Variants in INPP4A observed in about 807,000 individuals in gnomAD.
INPP4A encodes the protein inositol polyphosphate-4-phosphatase type I A, also known as inositol polyphosphate-4-phosphatase, type I, 107kD.
A neutral mutation model predicts 119.8 loss-of-function variants in INPP4A; 33 were observed. That is an observed-to-expected ratio of 0.28 (90% CI 0.21 to 0.37). The LOEUF is 0.37. Ranked by LOEUF, INPP4A falls within the 10% of genes least tolerant of loss-of-function variation. The pLI is 1.00. For synonymous variants in INPP4A, 496 were observed against 500.7 expected (o/e 0.99, Z 0.12); for missense variants, 956 against 1,289.9 (o/e 0.74, Z 3.97).
At chr2:98,526,919 T>C (rs1245151617) in intron 4 of INPP4A, among the ~76,000 whole-genome samples, 2 of 152,180 alleles carry the variant, frequency 1.3e-5, no homozygotes, top group Admixed American at 1.3e-4. Flanking sequence ...AACTCAGAGC[T>C]AGAACTCACT....
intron 24 of INPP4A, among the ~76,000 whole-genome samples, chr2:98,586,382 A>G (rs958232286): frequency 1.3e-5 from 2 of 151,960 alleles, no homozygotes; most frequent in South Asian, 4.1e-4. Context: ...ATACAATTTG[A>G]ATTTTTTAAA....
chr2:98,451,146 T>C (rs957286921), intron 1 of INPP4A, among the ~76,000 whole-genome samples: 1 of 152,220 alleles, frequency 6.6e-6, no homozygotes, highest in Non-Finnish European at 1.5e-5. Context: ...TGTCTCTTTC[T>C]GGTCTTTGCA....
intron 24 of INPP4A, chr2:98,581,646 G>T: frequency 6.3e-7 from 1 of 1,590,218 alleles, no homozygotes; most frequent in Non-Finnish European, 8.6e-7. Context: ...CTTAAGGCTA[G>T]ACCCCAGCCT....
intron 18 of INPP4A, 127 bp from the exon 19 acceptor site, chr2:98,564,513 G>T (rs1049623328): frequency 2.6e-6 from 3 of 1,153,724 alleles, no homozygotes; most frequent in Non-Finnish European, 2.5e-6. Context: ...AGGGATGGGA[G>T]GTGCCACTGA....
intron 1 of INPP4A, among the ~76,000 whole-genome samples, chr2:98,485,258 C>A (rs561953871): frequency 1.2e-4 from 19 of 152,312 alleles, no homozygotes; most frequent in South Asian, 1.0e-3. Flanking sequence ...GAAATAAAAA[C>A]CTGTTATAAT....
intron 1 of INPP4A, among the ~76,000 whole-genome samples, chr2:98,517,500 A>C (rs1253395742): frequency 6.6e-6 from 1 of 152,168 alleles, no homozygotes; most frequent in East Asian, 1.9e-4. Context: ...CCACGTCCTC[A>C]TCAACACTTG....
chr2:98,475,310 G>A (rs565615270), intron 1 of INPP4A, among the ~76,000 whole-genome samples: 54 of 152,224 alleles, frequency 3.5e-4, no homozygotes, highest in Admixed American at 6.5e-4. Flanking sequence ...TGTGTGTGCC[G>A]AGAGCCACAG....
intron 1 of INPP4A, among the ~76,000 whole-genome samples, chr2:98,505,741 C>G (rs1574803885): frequency 6.6e-6 from 1 of 152,198 alleles, no homozygotes; most frequent in Admixed American, 6.5e-5. Flanking sequence ...CTTGCTGATT[C>G]AGCAGGAGGG....
intron 5 of INPP4A, among the ~76,000 whole-genome samples, chr2:98,533,728 T>C (rs1476665749): frequency 6.6e-6 from 1 of 152,246 alleles, no homozygotes; most frequent in Non-Finnish European, 1.5e-5. Context: ...CAGCTTGTTT[T>C]TGAACAATGA....
At chr2:98,446,863 A>T (rs6751088) in intron 1 of INPP4A, among the ~76,000 whole-genome samples, 33,548 of 152,112 alleles carry the variant, frequency 0.22, 4,127 homozygotes, top group Non-Finnish European at 0.29. Flanking sequence ...TTTAAAAAAA[A>T]ATCACTTTAA....
chr2:98,482,078 A>G (rs1448839201), intron 1 of INPP4A, among the ~76,000 whole-genome samples: 2 of 152,244 alleles, frequency 1.3e-5, no homozygotes. Context: ...GTTTGAGACC[A>G]GTTTAGTTGA....
chr2:98,525,818 TAACAAC>T (rs553533147), intron 4 of INPP4A, among the ~76,000 whole-genome samples: 12 of 152,160 alleles, frequency 7.9e-5, no homozygotes, highest in East Asian at 1.9e-4. Flanking sequence ...TGGGTAAAAT[TAACAAC>T]AACAACAACA....
rs1224963022 is a variant in INPP4A, at chr2:98,590,747, C to T, written c.*3139C>T. 4.5e-6 allele frequency: 1 copy of T among 223,668 alleles called. No individual in the cohort carries two copies. The highest frequency in any genetic ancestry group is 2.2e-5 in the African/African-American group (1 of 44,866). 13.9% of individuals were successfully genotyped at this position (223,668 alleles called of 1,614,324 possible). On this transcript the variant is annotated 3_prime_UTR_variant, in exon 25 of 25. Transcript: ENST00000409851. The stretch of plus-strand genomic sequence containing the variant: ...TTATCTCCCTTGGAAAAATTCCTCT[C>T]ACTGGAAATGTACAATTAAAGGATG...
chr2:98,559,250 T>A (rs1200039900), intron 16 of INPP4A, among the ~76,000 whole-genome samples: 2 of 152,250 alleles, frequency 1.3e-5, no homozygotes, highest in African/African-American at 4.8e-5. Flanking sequence ...TCTGTCATTG[T>A]TTACCACTGA....
chr2:98,499,042 G>A (rs1273276177), intron 1 of INPP4A, among the ~76,000 whole-genome samples: 1 of 152,138 alleles, frequency 6.6e-6, no homozygotes, highest in African/African-American at 2.4e-5. Flanking sequence ...TGCTCTTTTT[G>A]CCAATTCTGC....
chr2:98,522,642 A>G (rs1359879548), intron 4 of INPP4A, among the ~76,000 whole-genome samples: 1 of 152,158 alleles, frequency 6.6e-6, no homozygotes, highest in East Asian at 1.9e-4. Context: ...GAACTGAAGA[A>G]TGTGTCTGTA....
intron 1 of INPP4A, among the ~76,000 whole-genome samples, chr2:98,492,967 T>C (rs1681151863): frequency 6.6e-6 from 1 of 152,160 alleles, no homozygotes; most frequent in Non-Finnish European, 1.5e-5. Flanking sequence ...AGCCAGTGTC[T>C]CTGTTTTCTC....
rs1011251727 is a variant in INPP4A at position 98,552,689 on chromosome 2, C to T, written c.1164-97C>T. 1.4e-5 allele frequency: 14 copies of T among 988,806 alleles called. No homozygotes were observed. The Admixed American group carries it at 2.5e-4, about 18-fold the overall frequency. 61.3% of individuals were successfully genotyped at this position (988,806 alleles called of 1,614,324 possible). Reference sequence around the variant, plus strand: ...GAGAACATCCCTGAGTCACAGAACACTTCATCTTAGGGTCAATTGTGGCTG... The same window carrying T: ...GAGAACATCCCTGAGTCACAGAACATTTCATCTTAGGGTCAATTGTGGCTG... On this transcript the variant is annotated intron_variant, in intron 13 of 24. Transcript: ENST00000409851.
intron 1 of INPP4A, among the ~76,000 whole-genome samples, chr2:98,513,580 A>G (rs1685542784): frequency 6.6e-6 from 1 of 152,206 alleles, no homozygotes; most frequent in African/African-American, 2.4e-5. Context: ...TCTTTGCTGT[A>G]TGCAGCACGT....
Sources: allele counts gnomAD v4.1 joint callset (sites outside exome capture counted in the v4.1 genomes callset), GRCh38; gene constraint gnomAD v4.1.1; transcripts MANE v1.5; gene names NCBI Gene and HGNC (gene_info 2026-07-23, HGNC 2026-07-21).